Variants in SCN1A observed in about 807,000 individuals in gnomAD.
SCN1A encodes the protein sodium voltage-gated channel alpha subunit 1, also known as sodium channel protein type 1 subunit alpha.
Under a neutral mutation model 193.7 loss-of-function variants are expected in SCN1A, and 13 were observed. The observed-to-expected ratio is 0.07, with a 90% CI of 0.04 to 0.11. The LOEUF (loss-of-function observed/expected upper bound fraction) is 0.11. Ranked by LOEUF, SCN1A falls within the 10% of genes least tolerant of loss-of-function variation. The pLI, the probability that SCN1A is intolerant of heterozygous loss-of-function variation, is 1.00. For missense variants in SCN1A, 1,432 were observed against 2,451.1 expected, an observed-to-expected ratio of 0.58 and a Z score of 8.78; for synonymous variants, 781 against 843.6, an observed-to-expected ratio of 0.93 and a Z score of 1.29.
Position 165,991,764 on chromosome 2 carries a change from C to T in SCN1A, c.5511G>A (p.Pro1837=), listed in dbSNP as rs1689194398. The T allele has an allele frequency of 1.9e-6, 3 of 1,613,746 alleles. No individual in the cohort carries two copies. Among genetic ancestry groups the T allele is most frequent in the African/African-American group, 1.3e-5 (1 of 74,854 alleles). ...TGTTTGGTTGTGGCAGATTGAGAGGCGGTTCAAGCGCAGCTGCAAACTGAG... is the reference window on the plus strand; with the variant it reads ...TGTTTGGTTGTGGCAGATTGAGAGGTGGTTCAAGCGCAGCTGCAAACTGAG... ...KLSQFAAALE[P]PLNLPQPNKL... is the part of the protein sequence containing the mutation. Residue 1837 remains proline (P), a synonymous_variant, in exon 29 of 29, where the codon CCG becomes CCA. Transcript: ENST00000674923.
intron 2 of SCN1A, among the ~76,000 whole-genome samples, chr2:166,096,571 C>T (rs144456541): frequency 0.016 from 2,452 of 152,228 alleles, 40 homozygotes; most frequent in Middle Eastern, 0.037. Context: ...TGAGCCACTG[C>T]GCCCAGCCTG....
chr2:166,120,577 G>C (rs1359130773), intron 2 of SCN1A, among the ~76,000 whole-genome samples: 1 of 119,466 alleles, frequency 8.4e-6, no homozygotes, highest in Non-Finnish European at 1.8e-5. Flanking sequence ...TATGTAGACT[G>C]TTTTCTTTTT....
chr2:166,097,897 T>C (rs886538602), intron 2 of SCN1A, among the ~76,000 whole-genome samples: 5 of 152,226 alleles, frequency 3.3e-5, no homozygotes, highest in African/African-American at 1.2e-4. Flanking sequence ...TGAAGTTGTA[T>C]TCTAGAGTCT....
At chr2:166,053,575 A>G (rs1189204132) in intron 7 of SCN1A, among the ~76,000 whole-genome samples, 3 of 152,024 alleles carry the variant, frequency 2.0e-5, no homozygotes, top group African/African-American at 4.8e-5. Context: ...TGCTGCGCCT[A>G]TTGTTACTGC....
chr2:165,993,991 G>A, intron 28 of SCN1A, 155 bp downstream of exon 28: 1 of 651,826 alleles, frequency 1.5e-6, no homozygotes, highest in East Asian at 2.7e-5. Context: ...TATAGTAGGA[G>A]ACATTTTGTT....
intron 26 of SCN1A, among the ~76,000 whole-genome samples, chr2:165,996,524 A>G (rs536555268): frequency 6.6e-6 from 1 of 151,606 alleles, no homozygotes; most frequent in African/African-American, 2.4e-5. Context: ...GAGGATGTAT[A>G]CTGCAAGACA....
intron 2 of SCN1A, among the ~76,000 whole-genome samples, chr2:166,115,410 A>G (rs1382679295): frequency 6.6e-6 from 1 of 152,162 alleles, no homozygotes; most frequent in African/African-American, 2.4e-5. Context: ...AAGGAGAAGT[A>G]ATCAAATTTC....
At chr2:166,021,329 A>G (rs1187525556) in intron 19 of SCN1A, among the ~76,000 whole-genome samples, 1 of 152,202 alleles carries the variant, frequency 6.6e-6, no homozygotes, top group African/African-American at 2.4e-5. Context: ...CTAGAAATTT[A>G]TATATAATGT....
intron 19 of SCN1A, among the ~76,000 whole-genome samples, chr2:166,018,012 G>T (rs1217763837): frequency 6.6e-6 from 1 of 151,930 alleles, no homozygotes; most frequent in African/African-American, 2.4e-5. Flanking sequence ...ATAAATGATT[G>T]ATTCTTTGCA....
intron 1 of SCN1A, among the ~76,000 whole-genome samples, chr2:166,140,694 C>T (rs1692042958): frequency 6.6e-6 from 1 of 152,166 alleles, no homozygotes; most frequent in East Asian, 1.9e-4. Flanking sequence ...AACTGCTGAT[C>T]GTGAACACTT....
Position 166,009,742 on chromosome 2 carries a change from A to G in SCN1A, c.3979T>C (p.Leu1327=), listed in dbSNP as rs1222098770. 6.2e-7 allele frequency: 1 copy of G among 1,606,188 alleles called. No homozygotes were observed. Among genetic ancestry groups the G allele is most frequent in the East Asian group, 2.2e-5 (1 of 44,590 alleles). The change falls in exon 23 of 29, where the codon TTA becomes CTA. Residue 1327 remains leucine (L), a synonymous_variant. Coordinates refer to ENST00000674923, the MANE Select transcript of SCN1A (RefSeq NM_001165963.4). Reference sequence around the variant, plus strand: ...ACCCTCATCCCTTCAAATCGAGATAAGGCTCTTAGAGGTCTCAGAGCTCTT... The same window carrying G: ...ACCCTCATCCCTTCAAATCGAGATAGGGCTCTTAGAGGTCTCAGAGCTCTT... ...TLRALRPLRA[L]SRFEGMRVVV...
chr2:166,118,356 A>C (rs1189134869), intron 2 of SCN1A, among the ~76,000 whole-genome samples: 1 of 113,504 alleles, frequency 8.8e-6, no homozygotes, highest in African/African-American at 3.5e-5. Flanking sequence ...TCTCTTGCGC[A>C]GGCTGGAGTG....
intron 22 of SCN1A, among the ~76,000 whole-genome samples, chr2:166,011,128 G>A (rs1272210971): frequency 6.6e-6 from 1 of 150,952 alleles, no homozygotes; most frequent in Non-Finnish European, 1.5e-5. Context: ...CTCTCAATTG[G>A]CTCATTTCAC....
chr2:166,071,037 T>C (rs1684367027), intron 4 of SCN1A, among the ~76,000 whole-genome samples: 1 of 152,164 alleles, frequency 6.6e-6, no homozygotes, highest in Admixed American at 6.5e-5. Flanking sequence ...TGGAGCCCAC[T>C]AACATATCCC....
At chr2:166,073,953 A>C (rs6753086) in intron 3 of SCN1A, among the ~76,000 whole-genome samples, 11,686 of 152,232 alleles carry the variant, frequency 0.077, 1,215 homozygotes, top group African/African-American at 0.24. Context: ...AGGCTAATTA[A>C]CACTATATCA....
At chr2:166,093,495 C>A (rs931096170) in intron 2 of SCN1A, among the ~76,000 whole-genome samples, 1 of 152,008 alleles carries the variant, frequency 6.6e-6, no homozygotes, top group African/African-American at 2.4e-5. Flanking sequence ...CCTGCCACCA[C>A]GCCCAGCTAA....
chr2:166,106,474 G>A (rs1320578284), intron 2 of SCN1A, among the ~76,000 whole-genome samples: 1 of 152,008 alleles, frequency 6.6e-6, no homozygotes, highest in Admixed American at 6.6e-5. Flanking sequence ...CGGAGCTCTG[G>A]TCCACAGTTG....
intron 19 of SCN1A, among the ~76,000 whole-genome samples, chr2:166,032,857 A>C (rs1254990224): frequency 6.6e-6 from 1 of 152,128 alleles, no homozygotes; most frequent in Non-Finnish European, 1.5e-5. Context: ...ACAAAATCTA[A>C]CTCAAGTGAA....
intron 19 of SCN1A, among the ~76,000 whole-genome samples, chr2:166,016,853 C>T (rs1490331245): frequency 4.6e-5 from 7 of 151,492 alleles, no homozygotes; most frequent in South Asian, 4.2e-4. Context: ...CCATTCAACC[C>T]GTTATCACGA....
Sources: gnomAD v4.1 joint callset for allele counts (sites outside exome capture counted in the v4.1 genomes callset) on GRCh38, gnomAD v4.1.1 for gene constraint, MANE v1.5 for transcripts, NCBI Gene and HGNC (gene_info 2026-07-23, HGNC 2026-07-21) for gene names.